Variants in PPP1R9A observed in about 807,000 individuals in gnomAD.
The protein encoded by PPP1R9A is neurabin-1.
A neutral mutation model predicts 141.9 loss-of-function variants in PPP1R9A; 59 were observed. That is an observed-to-expected ratio of 0.42 (90% CI 0.34 to 0.52). The LOEUF (loss-of-function observed/expected upper bound fraction) is 0.52, where lower values mean the gene tolerates loss of function less well. PPP1R9A is among the 20% of genes least tolerant of loss of function. PPP1R9A has a pLI of 0.10. For synonymous variants in PPP1R9A, 500 were observed against 569.7 expected (o/e 0.88, Z 1.74); for missense variants, 1,444 against 1,611.9 (o/e 0.90, Z 1.78).
Position 95,010,458 on chromosome 7 carries a change from G to A in PPP1R9A, c.1395+98950G>A, listed in dbSNP as rs569163466. On this transcript the variant is annotated intron_variant, in intron 2 of 19. Transcript: ENST00000433360. ...CTTCCTTTAAATGCAGTCTGATTTC[G>A]GAACTTCTATTTTTCTTTACAAGTT... 3.3e-5 allele frequency among the ~76,000 whole-genome samples: 5 copies of A among 151,986 alleles called. No homozygotes were observed. The East Asian group carries it at 5.8e-4, about 18-fold the overall frequency.
chr7:95,182,288 A>G (rs1473626419), intron 5 of PPP1R9A, among the ~76,000 whole-genome samples: 2 of 152,160 alleles, frequency 1.3e-5, no homozygotes, highest in African/African-American at 2.4e-5. Context: ...GCAGTGAGCA[A>G]TGATGGCACC....
rs140162603 is a variant in PPP1R9A at position 95,200,778 on chromosome 7, G to T, written c.1890+2294G>T. 7.7e-3 allele frequency among the ~76,000 whole-genome samples: 1,169 copies of T among 152,258 alleles called. 28 individuals carry two copies. The highest frequency in any genetic ancestry group is 0.041 in the Admixed American group (625 of 15,298). ...CAAGGAAATTAAGTAAATATTCAGT[G>T]GCAAGCACTTTGCAAGGTGTCTTTC... is the stretch of plus-strand genomic sequence containing the variant. On this transcript the variant is annotated intron_variant, in intron 6 of 19. Coordinates refer to ENST00000433360, the MANE Select transcript of PPP1R9A (RefSeq NM_001166160.2).
At chr7:94,993,605 CT>C (rs918996551) in intron 2 of PPP1R9A, among the ~76,000 whole-genome samples, 9 of 151,378 alleles carry the variant, frequency 5.9e-5, no homozygotes, top group South Asian at 2.1e-4. Context: ...ATCTTACACA[CT>C]TTTTTTTTGC....
rs183063856 is a variant in PPP1R9A at position 95,001,105 on chromosome 7, G to A, written c.1395+89597G>A. On this transcript the variant is annotated intron_variant, in intron 2 of 19. Transcript: ENST00000433360. ...TGCTGTGGTAATTTGATGTTTTATA[G>A]TTAAGAATTTTGACTGGTAGAAGGC... Among the ~76,000 whole-genome samples the A allele has an allele frequency of 6.0e-3, 914 of 152,236 alleles. 4 individuals are homozygous for A. Among genetic ancestry groups the A allele is most frequent in the Non-Finnish European group, 9.8e-3 (667 of 67,990 alleles).
At chr7:95,254,303 C>T (rs1212532360) in intron 12 of PPP1R9A, among the ~76,000 whole-genome samples, 1 of 152,148 alleles carries the variant, frequency 6.6e-6, no homozygotes, top group African/African-American at 2.4e-5. Flanking sequence ...TGCTTGATCA[C>T]ATAAACTAAA....
chr7:94,968,813 A>G (rs1242155335), intron 2 of PPP1R9A, among the ~76,000 whole-genome samples: 1 of 152,004 alleles, frequency 6.6e-6, no homozygotes, highest in Non-Finnish European at 1.5e-5. Flanking sequence ...ACATAGCCCC[A>G]TATTTCTTGG....
At chr7:95,067,031 A>G (rs1401665102) in intron 2 of PPP1R9A, among the ~76,000 whole-genome samples, 3 of 152,260 alleles carry the variant, frequency 2.0e-5, no homozygotes, top group Non-Finnish European at 2.9e-5. Flanking sequence ...GAGAAAACAG[A>G]GCAATGCCTT....
At chr7:95,153,274 A>C (rs1368412061) in intron 4 of PPP1R9A, among the ~76,000 whole-genome samples, 1 of 152,222 alleles carries the variant, frequency 6.6e-6, no homozygotes, top group Non-Finnish European at 1.5e-5. Context: ...TGTAAGCGCT[A>C]TGCTTGCTAT....
At chr7:94,963,962 G>C (rs1407803595) in intron 2 of PPP1R9A, among the ~76,000 whole-genome samples, 3 of 152,116 alleles carry the variant, frequency 2.0e-5, no homozygotes, top group Non-Finnish European at 2.9e-5. Flanking sequence ...AGGAGAATAA[G>C]GGCATGTAGG....
intron 5 of PPP1R9A, among the ~76,000 whole-genome samples, chr7:95,172,512 T>G (rs2152754457): frequency 6.6e-6 from 1 of 151,822 alleles, no homozygotes; most frequent in East Asian, 1.9e-4. Flanking sequence ...AATTGAAAAT[T>G]CAGATTGAAA....
chr7:95,136,733 TA>T (rs1387328349), intron 4 of PPP1R9A, among the ~76,000 whole-genome samples: 1 of 152,150 alleles, frequency 6.6e-6, no homozygotes, highest in African/African-American at 2.4e-5. Flanking sequence ...ATCCAGAAAA[TA>T]AAACCACAAA....
At chr7:95,170,898 A>G (rs1328598227) in intron 5 of PPP1R9A, among the ~76,000 whole-genome samples, 1 of 151,660 alleles carries the variant, frequency 6.6e-6, no homozygotes, top group East Asian at 1.9e-4. Context: ...GAGATTTATA[A>G]TATCGAGAAG....
At position 95,179,990 on chromosome 7, in the gene PPP1R9A, A is replaced by G. The variant is rs149400536; in HGVS notation, c.1754+18019A>G. 5.4e-3 allele frequency among the ~76,000 whole-genome samples: 828 copies of G among 152,250 alleles called. 2 individuals carry two copies. Among genetic ancestry groups the G allele is most frequent in the Non-Finnish European group, 8.5e-3 (578 of 68,010 alleles). ...AATGCAATGCAATTCCCATCAAAAT[A>G]CCACCATCATTCTTCACAGAATTAG... On this transcript the variant is annotated intron_variant, in intron 5 of 19. Transcript: ENST00000433360.
intron 5 of PPP1R9A, among the ~76,000 whole-genome samples, chr7:95,181,194 A>G (rs1833693987): frequency 7.6e-6 from 1 of 131,750 alleles, no homozygotes; most frequent in African/African-American, 2.6e-5. Context: ...CTATATATAT[A>G]GAATATATAT....
At chr7:94,922,871 G>A (rs1285917581) in intron 2 of PPP1R9A, among the ~76,000 whole-genome samples, 4 of 152,034 alleles carry the variant, frequency 2.6e-5, no homozygotes, top group Admixed American at 1.3e-4. Context: ...GACACAATTG[G>A]AATGATCAGC....
chr7:95,152,675 T>A (rs909629763), intron 4 of PPP1R9A, among the ~76,000 whole-genome samples: 1 of 152,104 alleles, frequency 6.6e-6, no homozygotes, highest in Non-Finnish European at 1.5e-5. Context: ...ATAGTTACAC[T>A]TTTTCTTAAA....
At chr7:94,970,367 A>G (rs913110255) in intron 2 of PPP1R9A, among the ~76,000 whole-genome samples, 7 of 152,174 alleles carry the variant, frequency 4.6e-5, no homozygotes, top group African/African-American at 1.7e-4. Flanking sequence ...TCCTCACTCC[A>G]CAGTCCCTCA....
intron 2 of PPP1R9A, among the ~76,000 whole-genome samples, chr7:95,100,568 A>G (rs1232675196): frequency 6.6e-6 from 1 of 152,184 alleles, no homozygotes; most frequent in Non-Finnish European, 1.5e-5. Context: ...TCTGAAAACT[A>G]TCCCTCTTTG....
At chr7:95,125,278 G>T (rs1243345862) in intron 4 of PPP1R9A, among the ~76,000 whole-genome samples, 1 of 152,034 alleles carries the variant, frequency 6.6e-6, no homozygotes, top group African/African-American at 2.4e-5. Context: ...ACAGTGCGGG[G>T]CTTTTAGTCA....
Sources: gnomAD v4.1 joint callset for allele counts (sites outside exome capture counted in the v4.1 genomes callset) on GRCh38, gnomAD v4.1.1 for gene constraint, MANE v1.5 for transcripts, NCBI Gene and HGNC (gene_info 2026-07-23, HGNC 2026-07-21) for gene names.